The following CCDC81 variants were observed in gnomAD, a reference collection of about 807,000 sequenced individuals.
CCDC81 encodes the protein coiled-coil domain containing 81.
CCDC81 carries 79 observed loss-of-function variants against 83.7 expected under a neutral mutation model. That is an observed-to-expected ratio of 0.94 (90% CI 0.79 to 1.14). CCDC81 has a LOEUF of 1.14. CCDC81 is among the 50% of genes most tolerant of loss of function. The pLI is 0.00. For synonymous variants in CCDC81, 252 were observed against 278.1 expected (o/e 0.91, Z 0.93); for missense variants, 791 against 778.1 (o/e 1.02, Z -0.20).
chr11:86,413,567 G>T (rs143840549), intron 11 of CCDC81, among the ~76,000 whole-genome samples: 1,618 of 152,158 alleles, frequency 0.011, 27 homozygotes, highest in African/African-American at 0.036. Context: ...TTACAAAAAT[G>T]AAAAAGCTGT....
chr11:86,402,134 CAAAAAAAAAAA>C (rs540502448), intron 7 of CCDC81, among the ~76,000 whole-genome samples: 1 of 89,192 alleles, frequency 1.1e-5, no homozygotes, highest in Non-Finnish European at 2.1e-5. Flanking sequence ...GACTCTGTCT[CAAAAAAAAAAA>C]AAAAAAAAGA....
At chr11:86,386,625 G>A (rs1427078046) in intron 2 of CCDC81, among the ~76,000 whole-genome samples, 1 of 152,208 alleles carries the variant, frequency 6.6e-6, no homozygotes, top group African/African-American at 2.4e-5. Context: ...CTTGGGGGAA[G>A]CTGGGAAGTT....
rs1455381698 is a variant in CCDC81, at chr11:86,412,444, G to C, written c.1276G>C (p.Glu426Gln). 6.2e-7 allele frequency: 1 copy of C among 1,613,798 alleles called. No individual in the cohort carries two copies. The highest frequency in any genetic ancestry group is 8.5e-7 in the Non-Finnish European group (1 of 1,179,786). Residue 426 changes from glutamate to glutamine, a missense_variant, in exon 11 of 15, where the codon GAG (glutamate) becomes CAG (glutamine). Coordinates refer to ENST00000445632, the MANE Select transcript of CCDC81 (RefSeq NM_001156474.2). ...TCCTGCGCTTAATGCTCTTAAGCAA[G>C]AGGAATATTCCCGGAGTCTCCTGAA... Reference protein sequence around the residue: ...LSPALNALKQEEYSRSLLKQM... With the variant: ...LSPALNALKQQEYSRSLLKQM...
At chr11:86,411,136 C>T (rs1948636542) in intron 10 of CCDC81, among the ~76,000 whole-genome samples, 1 of 152,224 alleles carries the variant, frequency 6.6e-6, no homozygotes, top group Non-Finnish European at 1.5e-5. Flanking sequence ...AGACTCCTCA[C>T]CTTCAACTAT....
chr11:86,392,835 A>G (rs1415979446), intron 4 of CCDC81, 38 bp downstream of exon 4: 5 of 1,530,220 alleles, frequency 3.3e-6, no homozygotes, highest in Non-Finnish European at 4.4e-6. Flanking sequence ...TCTTCTCCTA[A>G]TTGTGGTTCT....
At chr11:86,403,157 A>G (rs1202398633) in intron 7 of CCDC81, among the ~76,000 whole-genome samples, 1 of 151,158 alleles carries the variant, frequency 6.6e-6, no homozygotes, top group Non-Finnish European at 1.5e-5. Context: ...CCTGGCCTGC[A>G]TTTATTTTTA....
At chr11:86,383,172 G>C (rs1439653529) in intron 1 of CCDC81, among the ~76,000 whole-genome samples, 1 of 152,162 alleles carries the variant, frequency 6.6e-6, no homozygotes, top group Non-Finnish European at 1.5e-5. Flanking sequence ...TTACAGATGT[G>C]AACTGGGTAA....
chr11:86,409,457 T>TA lies in CCDC81; in HGVS notation c.1218+93dup. The TA allele has an allele frequency of 5.4e-6, 3 of 556,594 alleles. No individual in the cohort carries two copies. In the South Asian group the frequency reaches 1.2e-4, roughly 22 times the overall value. The allele number at this position is 556,594 out of a possible 1,614,324, so 34.5% of individuals were successfully genotyped here. ...GTGTTGCAGGTTGTGCCTTATTTTT[T>TA]ATTTTTATTTTTTGAGATGGAGTCT... is the stretch of plus-strand genomic sequence containing the variant. On this transcript the variant is annotated intron_variant, in intron 10 of 14. Coordinates refer to ENST00000445632, the MANE Select transcript of CCDC81 (RefSeq NM_001156474.2).
chr11:86,402,843 TTTG>T (rs993768362), intron 7 of CCDC81, among the ~76,000 whole-genome samples: 4 of 151,980 alleles, frequency 2.6e-5, no homozygotes, highest in African/African-American at 7.3e-5. Flanking sequence ...GTTTTTTTGT[TTTG>T]TTTTGTTTTT....
chr11:86,398,578 T>C (rs978260134), intron 6 of CCDC81, among the ~76,000 whole-genome samples: 1 of 151,534 alleles, frequency 6.6e-6, no homozygotes, highest in Non-Finnish European at 1.5e-5. Context: ...TGAGATGGAG[T>C]CTCGCTCTGT....
intron 1 of CCDC81, among the ~76,000 whole-genome samples, chr11:86,385,136 C>T (rs1340197752): frequency 6.6e-6 from 1 of 152,086 alleles, no homozygotes; most frequent in Non-Finnish European, 1.5e-5. Flanking sequence ...GCCTGTAATC[C>T]CAGCACTTTG....
At chr11:86,378,534 G>T (rs1948129955) in intron 1 of CCDC81, among the ~76,000 whole-genome samples, 1 of 152,096 alleles carries the variant, frequency 6.6e-6, no homozygotes, top group Non-Finnish European at 1.5e-5. Flanking sequence ...CTAATTTTCT[G>T]CCAGCTGGAT....
At chr11:86,412,271 G>A in intron 10 of CCDC81, 116 bp from the exon 11 acceptor site, 2 of 824,712 alleles carry the variant, frequency 2.4e-6, no homozygotes, top group South Asian at 3.5e-5. Context: ...CGTGTGTTGA[G>A]GGCTGGGCAA....
At chr11:86,407,542 G>A in intron 7 of CCDC81, 72 bp from the exon 8 acceptor site, 1 of 965,802 alleles carries the variant, frequency 1.0e-6, no homozygotes, top group Non-Finnish European at 1.6e-6. Flanking sequence ...TCTTATACTT[G>A]CCTCTAAAAT....
chr11:86,410,435 A>G (rs953573380), intron 10 of CCDC81, among the ~76,000 whole-genome samples: 5 of 152,178 alleles, frequency 3.3e-5, no homozygotes, highest in Admixed American at 1.3e-4. Context: ...CTCTGAAAAA[A>G]GGGCACTATA....
intron 7 of CCDC81, among the ~76,000 whole-genome samples, chr11:86,403,013 A>AT (rs545083032): frequency 0.33 from 37,324 of 112,384 alleles, 6,820 homozygotes; most frequent in Non-Finnish European, 0.41. Flanking sequence ...TAATTTTTTG[A>AT]TTTTTTTTTT....
chr11:86,406,535 G>A (rs1271628738), intron 7 of CCDC81, among the ~76,000 whole-genome samples: 3 of 152,070 alleles, frequency 2.0e-5, no homozygotes, highest in South Asian at 2.1e-4. Context: ...GGCCTGGCGC[G>A]GTGGCTCATG....
At chr11:86,404,594 C>T (rs551525542) in intron 7 of CCDC81, among the ~76,000 whole-genome samples, 1 of 152,188 alleles carries the variant, frequency 6.6e-6, no homozygotes, top group Non-Finnish European at 1.5e-5. Context: ...TAATGAGAGC[C>T]ATCAGAAACA....
intron 4 of CCDC81, among the ~76,000 whole-genome samples, chr11:86,393,362 G>A (rs1166859199): frequency 2.6e-5 from 4 of 151,978 alleles, no homozygotes; most frequent in South Asian, 2.1e-4. Context: ...CATGCCTGGC[G>A]TATGGTTTAA....
Sources: gnomAD v4.1 joint callset for allele counts (sites outside exome capture counted in the v4.1 genomes callset) on GRCh38, gnomAD v4.1.1 for gene constraint, MANE v1.5 for transcripts, NCBI Gene and HGNC (gene_info 2026-07-23, HGNC 2026-07-21) for gene names.